Variants in COL26A1 observed in about 807,000 individuals in gnomAD.
COL26A1 encodes the protein collagen alpha-1(XXVI) chain.
Under a neutral mutation model 59.3 loss-of-function variants are expected in COL26A1, and 41 were observed. The observed-to-expected ratio is 0.69, with a 90% CI of 0.54 to 0.90. COL26A1 has a LOEUF of 0.90. Ranked by LOEUF, COL26A1 falls within the 40% of genes least tolerant of loss-of-function variation. COL26A1 has a pLI of 0.00. For synonymous variants in COL26A1, 266 were observed against 256.0 expected (o/e 1.04, Z -0.37); for missense variants, 612 against 602.3 (o/e 1.02, Z -0.17).
At chr7:101,487,417 A>G (rs1794292294) in intron 3 of COL26A1, among the ~76,000 whole-genome samples, 1 of 152,082 alleles carries the variant, frequency 6.6e-6, no homozygotes, top group Non-Finnish European at 1.5e-5. Flanking sequence ...CTCCCCAGCC[A>G]GCATGCCTCC....
At chr7:101,500,806 G>C (rs1418031645) in intron 3 of COL26A1, among the ~76,000 whole-genome samples, 1 of 152,160 alleles carries the variant, frequency 6.6e-6, no homozygotes, top group South Asian at 2.1e-4. Context: ...CGGCAACAGA[G>C]CGAGACGCTG....
intron 3 of COL26A1, among the ~76,000 whole-genome samples, chr7:101,514,639 C>G (rs1450595191): frequency 6.6e-6 from 1 of 152,182 alleles, no homozygotes. Flanking sequence ...TGGGGCTGAT[C>G]CACTGATGTC....
chr7:101,523,836 T>C (rs1173677643), intron 3 of COL26A1, among the ~76,000 whole-genome samples: 1 of 152,166 alleles, frequency 6.6e-6, no homozygotes, highest in Non-Finnish European at 1.5e-5. Flanking sequence ...GTCTTGGACA[T>C]TTGTATTTTC....
chr7:101,442,953 G>A lies in COL26A1; in HGVS notation c.282-4731G>A, dbSNP rs140504833. Among the ~76,000 whole-genome samples the A allele has an allele frequency of 7.2e-3, 1,102 of 152,256 alleles. 4 individuals are homozygous for A. Among genetic ancestry groups the A allele is most frequent in the Non-Finnish European group, 0.011 (735 of 68,020 alleles). On this transcript the variant is annotated intron_variant, in intron 2 of 12. Coordinates refer to ENST00000313669, the MANE Select transcript of COL26A1 (RefSeq NM_001278563.3). ...AGTGTGTGACTGTGTGAGGGTGTGC[G>A]TATGTGTTAGTTTGTGAGAGCTTGC... is the stretch of plus-strand genomic sequence containing the variant.
At chr7:101,381,318 C>G (rs975392841) in intron 1 of COL26A1, among the ~76,000 whole-genome samples, 3 of 152,122 alleles carry the variant, frequency 2.0e-5, no homozygotes, top group Non-Finnish European at 2.9e-5. Flanking sequence ...TCCTTTCTCT[C>G]TGACTTTGAT....
chr7:101,554,567 T>TAAAAAA (rs57638079), intron 11 of COL26A1, among the ~76,000 whole-genome samples: 9,007 of 119,588 alleles, frequency 0.075, 398 homozygotes, highest in Non-Finnish European at 0.085. Flanking sequence ...CCCCATTTCT[T>TAAAAAA]AAAAAAAAAA....
intron 1 of COL26A1, among the ~76,000 whole-genome samples, chr7:101,405,222 C>T (rs538407108): frequency 7.9e-5 from 12 of 151,158 alleles, no homozygotes; most frequent in Non-Finnish European, 1.6e-4. Flanking sequence ...AGCGAGACTC[C>T]GTCTCTAAAA....
At chr7:101,438,069 A>G (rs1212728699) in intron 2 of COL26A1, among the ~76,000 whole-genome samples, 3 of 147,034 alleles carry the variant, frequency 2.0e-5, no homozygotes, top group Non-Finnish European at 4.7e-5. Context: ...TGCTTTAAAA[A>G]CGTCACTTGG....
chr7:101,489,689 C>CT (rs1229848261), intron 3 of COL26A1, among the ~76,000 whole-genome samples: 1 of 9,854 alleles, frequency 1.0e-4, no homozygotes, highest in African/African-American at 1.1e-3. Flanking sequence ...TCCTTTCTTT[C>CT]TTTCTTTCTG....
chr7:101,519,765 A>T (rs1795102117), intron 3 of COL26A1, among the ~76,000 whole-genome samples: 1 of 152,136 alleles, frequency 6.6e-6, no homozygotes. Flanking sequence ...TCAGTAACTA[A>T]CGGAGCTAGA....
chr7:101,510,521 C>G (rs976568889), intron 3 of COL26A1, among the ~76,000 whole-genome samples: 7 of 152,200 alleles, frequency 4.6e-5, no homozygotes, highest in African/African-American at 1.7e-4. Flanking sequence ...CCTGCTATTC[C>G]TGCCTTCTGA....
chr7:101,463,911 C>CTT (rs1793694649), intron 3 of COL26A1, among the ~76,000 whole-genome samples: 1 of 37,724 alleles, frequency 2.7e-5, no homozygotes, highest in Non-Finnish European at 5.9e-5. Context: ...CTTTTTCTTT[C>CTT]TCTCTTTCTT....
chr7:101,502,252 G>T (rs1236814635), intron 3 of COL26A1, among the ~76,000 whole-genome samples: 1 of 152,160 alleles, frequency 6.6e-6, no homozygotes, highest in Non-Finnish European at 1.5e-5. Flanking sequence ...TGAGGCGGGG[G>T]AATCACTTGA....
rs555075270 is a variant in COL26A1, at chr7:101,430,764, G to A, written c.281+10665G>A. ...ATCATGTTGTTTGTCAACAGAGACA[G>A]TCTTATTCCTTTCCTTTTGATCTGT... On this transcript the variant is annotated intron_variant, in intron 2 of 12. Transcript: ENST00000313669. Among the ~76,000 whole-genome samples the A allele has an allele frequency of 2.6e-5, 4 of 151,962 alleles. No homozygotes were observed. In the Admixed American group the frequency reaches 2.6e-4, roughly 10 times the overall value.
chr7:101,530,094 G>A (rs964237270), intron 3 of COL26A1, among the ~76,000 whole-genome samples: 1 of 152,142 alleles, frequency 6.6e-6, no homozygotes, highest in African/African-American at 2.4e-5. Context: ...TGGGGAGCAG[G>A]GTGAATGTAT....
At chr7:101,515,494 G>C (rs926535941) in intron 3 of COL26A1, among the ~76,000 whole-genome samples, 2 of 152,088 alleles carry the variant, frequency 1.3e-5, no homozygotes, top group Non-Finnish European at 2.9e-5. Flanking sequence ...ATGTTGGCCA[G>C]GCTGGTCTGG....
chr7:101,548,058 G>A (rs907742551), intron 8 of COL26A1, among the ~76,000 whole-genome samples: 2 of 152,248 alleles, frequency 1.3e-5, no homozygotes, highest in African/African-American at 4.8e-5. Flanking sequence ...GCGGGGAGGC[G>A]CCGTCAAAAC....
At chr7:101,435,515 C>G (rs1252081867) in intron 2 of COL26A1, among the ~76,000 whole-genome samples, 1 of 152,124 alleles carries the variant, frequency 6.6e-6, no homozygotes, top group Admixed American at 6.6e-5. Flanking sequence ...AGTTTCCCAT[C>G]CTGGGAAATA....
chr7:101,363,643 A>C (rs1434079529), intron 1 of COL26A1, among the ~76,000 whole-genome samples: 7 of 149,454 alleles, frequency 4.7e-5, no homozygotes, highest in Non-Finnish European at 1.5e-5. Context: ...CGGGGGCTGA[A>C]GGTTCGGGTC....
Sources: gnomAD v4.1 joint callset for allele counts (sites outside exome capture counted in the v4.1 genomes callset) on GRCh38, gnomAD v4.1.1 for gene constraint, MANE v1.5 for transcripts, NCBI Gene and HGNC (gene_info 2026-07-23, HGNC 2026-07-21) for gene names.